SKI: variants seen among roughly 807,000 people sequenced by gnomAD.
The protein encoded by SKI is ski oncogene.
Under a neutral mutation model 59.3 loss-of-function variants are expected in SKI, and 23 were observed. The observed-to-expected ratio is 0.39, with a 90% CI of 0.28 to 0.55. The LOEUF (loss-of-function observed/expected upper bound fraction) is 0.55, where lower values mean the gene tolerates loss of function less well. Ranked by LOEUF, SKI falls within the 20% of genes least tolerant of loss-of-function variation. The pLI is 0.67. For synonymous variants in SKI, 673 were observed against 488.6 expected (o/e 1.38, Z -4.98); for missense variants, 1,017 against 1,038.9 (o/e 0.98, Z 0.29).
In SKI at chr1:2,304,116, G is replaced by A. The variant is rs780072344; in HGVS notation, c.1474+14G>A. 10 of 1,611,544 alleles carry A rather than the reference G, an allele frequency of 6.2e-6. No individual in the cohort carries two copies. Among genetic ancestry groups the A allele is most frequent in the Non-Finnish European group, 7.6e-6 (9 of 1,179,400 alleles). ...GCAGGGAGGAATGTACGTGTGAGTC[G>A]CTTTCTGTGCCTCCTCCCTGTGGGC... On this transcript the variant is annotated intron_variant, in intron 4 of 6. Transcript: ENST00000378536.
chr1:2,295,759 G>C (rs116790518), intron 1 of SKI, among the ~76,000 whole-genome samples: 126 of 152,248 alleles, frequency 8.3e-4, no homozygotes, highest in African/African-American at 2.9e-3. Flanking sequence ...TCCGGCCTCA[G>C]CACAGTATTT....
At position 2,228,516 on chromosome 1, in the gene SKI, G is replaced by T. The variant is rs1638552746; in HGVS notation, c.-251G>T. ...GCGGGGGGCCCGGGCGGCGGCGGGC[G>T]CGGCGCGGGGCGCGTGGATGTGGCG... is the stretch of plus-strand genomic sequence containing the variant. On this transcript the variant is annotated 5_prime_UTR_variant, in exon 1 of 7. Coordinates refer to ENST00000378536, the MANE Select transcript of SKI (RefSeq NM_003036.4). Among the ~76,000 whole-genome samples, 1 of 143,198 alleles carries T rather than the reference G, an allele frequency of 7.0e-6. No homozygotes were observed. Among genetic ancestry groups the T allele is most frequent in the South Asian group, 2.1e-4 (1 of 4,718 alleles). 93.9% of individuals were successfully genotyped at this position (143,198 alleles called of 152,430 possible).
intron 1 of SKI, among the ~76,000 whole-genome samples, chr1:2,248,912 C>T (rs1411370863): frequency 6.6e-6 from 1 of 152,232 alleles, no homozygotes; most frequent in Non-Finnish European, 1.5e-5. Flanking sequence ...ATTGGCCCCT[C>T]TCCTGTTTGG....
chr1:2,247,052 C>T (rs1291387754), intron 1 of SKI, among the ~76,000 whole-genome samples: 8 of 152,198 alleles, frequency 5.3e-5, no homozygotes, highest in African/African-American at 1.9e-4. Flanking sequence ...GAAATCTCGT[C>T]TCTACTAAAA....
chr1:2,228,474 G>T lies in SKI; in HGVS notation c.-293G>T, dbSNP rs1638551636. Among the ~76,000 whole-genome samples the T allele has an allele frequency of 1.4e-5, 2 of 143,362 alleles. No individual in the cohort carries two copies. The highest frequency in any genetic ancestry group is 5.0e-5 in the African/African-American group (2 of 40,006). 94.1% of individuals were successfully genotyped at this position (143,362 alleles called of 152,430 possible). On this transcript the variant is annotated 5_prime_UTR_variant, in exon 1 of 7. Coordinates refer to ENST00000378536, the MANE Select transcript of SKI (RefSeq NM_003036.4). The stretch of plus-strand genomic sequence containing the variant: ...GCATGCCCCGCGCCTAGAGCCCGGG[G>T]GGCGCGCGGGGGACGCGCGGGGGGC...
Position 2,280,696 on chromosome 1 carries a change from G to A in SKI, c.970-22282G>A, listed in dbSNP as rs1427752272. Among the ~76,000 whole-genome samples, 40 of 37,194 alleles carry A rather than the reference G, an allele frequency of 1.1e-3. 2 individuals are homozygous for A. Among genetic ancestry groups the A allele is most frequent in the South Asian group, 2.3e-3 (2 of 872 alleles). 24.4% of individuals were successfully genotyped at this position (37,194 alleles called of 152,430 possible). A position where few individuals can be genotyped will look rare whatever the true frequency, so the allele number is the denominator to read the frequency against. On this transcript the variant is annotated intron_variant, in intron 1 of 6. Coordinates refer to ENST00000378536, the MANE Select transcript of SKI (RefSeq NM_003036.4). ...CGGCGGCGATCTTCAGAGAGAGGAC[G>A]CCCGAGAAGACAGGCGGCGGCGGCG...
chr1:2,298,947 T>G (rs1188307028), intron 1 of SKI, among the ~76,000 whole-genome samples: 1 of 152,150 alleles, frequency 6.6e-6, no homozygotes, highest in Admixed American at 6.5e-5. Flanking sequence ...GGGAGCTGCC[T>G]TCTCTAGTTG....
chr1:2,260,592 G>A (rs1230634742), intron 1 of SKI, among the ~76,000 whole-genome samples: 6 of 123,014 alleles, frequency 4.9e-5, no homozygotes, highest in Non-Finnish European at 9.5e-5. Flanking sequence ...CCAGGCTAGA[G>A]CACAATCTTG....
At chr1:2,295,175 CTGTGTGTCCACGCA>C (rs1430691366) in intron 1 of SKI, among the ~76,000 whole-genome samples, 1 of 152,218 alleles carries the variant, frequency 6.6e-6, no homozygotes, top group African/African-American at 2.4e-5. Context: ...TCCTGGTGTC[CTGTGTGTCCACGCA>C]GGTGTGCCAG....
At chr1:2,284,105 G>A (rs961169131) in intron 1 of SKI, among the ~76,000 whole-genome samples, 2 of 152,180 alleles carry the variant, frequency 1.3e-5, no homozygotes, top group Non-Finnish European at 2.9e-5. Context: ...CCGGGGCTTG[G>A]GGTCCATCTC....
At chr1:2,250,925 A>G (rs908908162) in intron 1 of SKI, among the ~76,000 whole-genome samples, 1 of 152,244 alleles carries the variant, frequency 6.6e-6, no homozygotes, top group African/African-American at 2.4e-5. Context: ...GGGAGGCATC[A>G]GGAGCAAGCG....
chr1:2,251,068 G>A (rs574493405), intron 1 of SKI, among the ~76,000 whole-genome samples: 1 of 152,200 alleles, frequency 6.6e-6, no homozygotes, highest in Non-Finnish European at 1.5e-5. Context: ...TGGTGAGTCT[G>A]CTTGTCTTAG....
At chr1:2,249,289 A>AGGAC (rs1257890344) in intron 1 of SKI, among the ~76,000 whole-genome samples, 1 of 152,194 alleles carries the variant, frequency 6.6e-6, no homozygotes, top group Non-Finnish European at 1.5e-5. Flanking sequence ...CTACAGGCTG[A>AGGAC]GGACGTGTGA....
chr1:2,231,250 G>T (rs1445027174), intron 1 of SKI, among the ~76,000 whole-genome samples: 1 of 152,196 alleles, frequency 6.6e-6, no homozygotes, highest in Non-Finnish European at 1.5e-5. Context: ...GCTCGTGCAG[G>T]CTGCGTAGTG....
chr1:2,276,674 G>A (rs946103074), intron 1 of SKI, among the ~76,000 whole-genome samples: 1 of 152,254 alleles, frequency 6.6e-6, no homozygotes, highest in Non-Finnish European at 1.5e-5. Context: ...GCCTGCTTTA[G>A]GCCGTGCACC....
intron 1 of SKI, among the ~76,000 whole-genome samples, chr1:2,230,048 C>A (rs777656588): frequency 6.6e-6 from 1 of 152,218 alleles, no homozygotes; most frequent in African/African-American, 2.4e-5. Context: ...AAGGCACAGG[C>A]CTCATGCTCC....
chr1:2,254,822 C>T (rs888041730), intron 1 of SKI, among the ~76,000 whole-genome samples: 4 of 152,224 alleles, frequency 2.6e-5, no homozygotes, highest in African/African-American at 7.2e-5. Flanking sequence ...AGCCCCCCTG[C>T]TGCACACCTA....
chr1:2,282,463 G>A (rs554024397), intron 1 of SKI, among the ~76,000 whole-genome samples: 8 of 116,796 alleles, frequency 6.8e-5, no homozygotes, highest in East Asian at 2.7e-4. Context: ...GAGAGAGGAC[G>A]CCTGAGAAGA....
At chr1:2,275,243 G>T (rs1260999562) in intron 1 of SKI, among the ~76,000 whole-genome samples, 1 of 152,234 alleles carries the variant, frequency 6.6e-6, no homozygotes, top group Non-Finnish European at 1.5e-5. Flanking sequence ...AGAGGTCAGA[G>T]CAGTGGCCGG....
Sources: gnomAD v4.1 joint callset for allele counts (sites outside exome capture counted in the v4.1 genomes callset) on GRCh38, gnomAD v4.1.1 for gene constraint, MANE v1.5 for transcripts, NCBI Gene and HGNC (gene_info 2026-07-23, HGNC 2026-07-21) for gene names.